Variants in CTNNA2 observed in about 807,000 individuals in gnomAD.
CTNNA2 encodes catenin alpha 2.
CTNNA2 carries 42 observed loss-of-function variants against 101.0 expected under a neutral mutation model. The ratio of observed to expected loss-of-function variants is 0.42; its 90% CI spans 0.32 to 0.54. The LOEUF is 0.54. CTNNA2 is among the 20% of genes least tolerant of loss of function. The pLI, the probability that CTNNA2 is intolerant of heterozygous loss-of-function variation, is 0.14. For missense variants in CTNNA2, 871 were observed against 1,223.1 expected (o/e 0.71, Z 4.29); for synonymous variants, 450 against 456.4 (o/e 0.99, Z 0.18).
Position 80,618,944 on chromosome 2 carries a change from C to T in CTNNA2, c.2431-141C>T, listed in dbSNP as rs1007013232. 4.5e-5 allele frequency: 22 copies of T among 485,122 alleles called. 1 individual carries two copies. In the East Asian group the frequency reaches 6.5e-4, roughly 14 times the overall value. The allele number at this position is 485,122 out of a possible 1,614,324, so 30.1% of individuals were successfully genotyped here. ...GCCCATATGTATATCTCTTTCAGCA[C>T]GTAATTCCTTCATATACCTCTTTTT... On this transcript the variant is annotated intron_variant, in intron 17 of 18. Transcript: ENST00000402739.
chr2:80,141,510 C>A (rs2148910679), intron 7 of CTNNA2, among the ~76,000 whole-genome samples: 1 of 152,110 alleles, frequency 6.6e-6, no homozygotes, highest in East Asian at 1.9e-4. Flanking sequence ...CCACCCCCTC[C>A]AACCCTGTGA....
intron 7 of CTNNA2, among the ~76,000 whole-genome samples, chr2:80,263,872 A>G (rs1672804802): frequency 6.6e-6 from 1 of 152,190 alleles, no homozygotes; most frequent in Non-Finnish European, 1.5e-5. Flanking sequence ...TTCCAGAGCA[A>G]CCCTGAATAT....
At chr2:80,068,814 G>A (rs1160884688) in intron 7 of CTNNA2, among the ~76,000 whole-genome samples, 3 of 152,096 alleles carry the variant, frequency 2.0e-5, no homozygotes, top group South Asian at 2.1e-4. Context: ...ACATGTTTTC[G>A]TATGAGACTC....
intron 7 of CTNNA2, among the ~76,000 whole-genome samples, chr2:80,222,075 C>A (rs180726653): frequency 6.6e-6 from 1 of 152,238 alleles, no homozygotes; most frequent in East Asian, 1.9e-4. Flanking sequence ...GAGAGCAAAC[C>A]AACACATCCC....
chr2:79,737,536 C>T (rs1053560685), intron 2 of CTNNA2, among the ~76,000 whole-genome samples: 13 of 152,126 alleles, frequency 8.5e-5, no homozygotes, highest in African/African-American at 2.7e-4. Flanking sequence ...AGAAATTTGC[C>T]TTCTTACAGG....
chr2:79,294,868 G>A lies in CTNNA2; in HGVS notation c.-405-17841G>A, dbSNP rs145250966. 1.4e-4 allele frequency among the ~76,000 whole-genome samples: 21 copies of A among 152,122 alleles called. No individual in the cohort carries two copies. In the East Asian group the frequency reaches 4.1e-3, roughly 29 times the overall value. ...CTATTGTGTCATTATCTTATCTGCTGATTGACATATTATCTACTGATTTTG... is the reference window on the plus strand; with the variant it reads ...CTATTGTGTCATTATCTTATCTGCTAATTGACATATTATCTACTGATTTTG... On this transcript the variant is annotated intron_variant, in intron 2 of 21. Transcript: ENST00000466387.
At chr2:80,000,116 G>T (rs997553236) in intron 7 of CTNNA2, among the ~76,000 whole-genome samples, 2 of 152,116 alleles carry the variant, frequency 1.3e-5, no homozygotes, top group Non-Finnish European at 2.9e-5. Context: ...GATGTGGAGA[G>T]CAAAGTTAAA....
Position 80,303,626 on chromosome 2 carries a change from G to C in CTNNA2, c.1057-89585G>C. ...GCGCAGGGACAAGCCCAGCAGGCCG[G>C]ACAGGTTGTGGGGCGCCTCGGTGAG... On this transcript the variant is annotated intron_variant, in intron 7 of 18. Transcript: ENST00000402739. This position sits in a 1 kb window ranked among gnomAD's most constrained non-coding sequence, Gnocchi z 7.7. 1 of 1,614,034 alleles carries C rather than the reference G, an allele frequency of 6.2e-7. No homozygotes were observed. Among genetic ancestry groups the C allele is most frequent in the Non-Finnish European group, 8.5e-7 (1 of 1,179,974 alleles).
At chr2:80,043,453 C>T (rs1696313824) in intron 7 of CTNNA2, among the ~76,000 whole-genome samples, 1 of 152,144 alleles carries the variant, frequency 6.6e-6, no homozygotes, top group African/African-American at 2.4e-5. Flanking sequence ...CTGTCTCGGC[C>T]TCCCAAAGTG....
upstream of CTNNA2, among the ~76,000 whole-genome samples, chr2:79,509,863 A>C (rs1671497967): frequency 1.3e-5 from 2 of 152,166 alleles, no homozygotes; most frequent in Admixed American, 6.5e-5. Context: ...AGGTATATGA[A>C]AACTCTTTGT....
intron 2 of CTNNA2, among the ~76,000 whole-genome samples, chr2:79,217,008 G>C (rs922343923): frequency 2.0e-5 from 3 of 152,164 alleles, no homozygotes; most frequent in African/African-American, 7.2e-5. Flanking sequence ...TGGGTCCATG[G>C]ATAAAACGTG....
At chr2:79,584,810 G>A (rs908764872) in intron 1 of CTNNA2, among the ~76,000 whole-genome samples, 7 of 152,244 alleles carry the variant, frequency 4.6e-5, no homozygotes, top group East Asian at 3.9e-4. Context: ...GTGAGCCACC[G>A]CACCCGGCGC....
chr2:80,171,928 C>A (rs1395050076), intron 7 of CTNNA2, among the ~76,000 whole-genome samples: 1 of 152,168 alleles, frequency 6.6e-6, no homozygotes, highest in East Asian at 1.9e-4. Flanking sequence ...CAGATGTGTT[C>A]ATCTTTACTA....
At chr2:80,184,047 A>G (rs915259727) in intron 7 of CTNNA2, among the ~76,000 whole-genome samples, 1 of 151,844 alleles carries the variant, frequency 6.6e-6, no homozygotes, top group Non-Finnish European at 1.5e-5. Context: ...ATAAAATTGG[A>G]TTTTACCATT....
chr2:80,002,302 A>G (rs922665901), intron 7 of CTNNA2, among the ~76,000 whole-genome samples: 2 of 152,166 alleles, frequency 1.3e-5, no homozygotes, highest in African/African-American at 4.8e-5. Context: ...CTCTTACTCT[A>G]AAAGGAAAAT....
In CTNNA2 at chr2:80,099,478, A is replaced by T. The variant is rs556337649; in HGVS notation, c.1056+189681A>T. 7.2e-5 allele frequency among the ~76,000 whole-genome samples: 11 copies of T among 152,302 alleles called. No homozygotes were observed. In the East Asian group the frequency reaches 2.1e-3, roughly 30 times the overall value. ...CAGAAATCCTCTCTTGCGAGAAACA[A>T]TTGAAGCAACCAATTTCATTCATCC... is the stretch of plus-strand genomic sequence containing the variant. On this transcript the variant is annotated intron_variant, in intron 7 of 18. Coordinates refer to ENST00000402739, the MANE Select transcript of CTNNA2 (RefSeq NM_001282597.3).
At chr2:80,113,161 A>T (rs1046786005) in intron 7 of CTNNA2, among the ~76,000 whole-genome samples, 30 of 152,208 alleles carry the variant, frequency 2.0e-4, no homozygotes, top group African/African-American at 7.0e-4. Context: ...GAAATGTAGG[A>T]AGTAAATGAA....
intron 7 of CTNNA2, among the ~76,000 whole-genome samples, chr2:80,226,454 G>A (rs372553220): frequency 3.3e-5 from 5 of 152,198 alleles, no homozygotes; most frequent in East Asian, 1.9e-4. Context: ...GTGCCACATC[G>A]GCACAGGTGA....
chr2:79,370,340 CCA>C lies in CTNNA2; in HGVS notation c.-317-3488_-317-3487del, dbSNP rs540732319. ...AAGAAGTGAAGTTTCCTGCCCCAAA[CCA>C]CAGAGTGGATGAATGATAGAACTAG... On this transcript the variant is annotated intron_variant, in intron 3 of 21. Coordinates refer to the CTNNA2 transcript ENST00000466387. Among the ~76,000 whole-genome samples, 387 of 152,290 alleles carry C rather than the reference CCA, an allele frequency of 2.5e-3. 2 individuals are homozygous for C. Among genetic ancestry groups the C allele is most frequent in the African/African-American group, 8.8e-3 (364 of 41,566 alleles).
Sources: allele counts gnomAD v4.1 joint callset (sites outside exome capture counted in the v4.1 genomes callset), GRCh38; gene constraint gnomAD v4.1.1; non-coding constraint Gnocchi (gnomAD v3.1); transcripts MANE v1.5; gene names NCBI Gene and HGNC (gene_info 2026-07-23, HGNC 2026-07-21).